KANSL1L: variants seen among roughly 807,000 people sequenced by gnomAD.
The protein encoded by KANSL1L is KAT8 regulatory NSL complex subunit 1 like.
KANSL1L carries 25 observed loss-of-function variants against 108.6 expected under a neutral mutation model. That is an observed-to-expected ratio of 0.23 (90% confidence interval 0.17 to 0.32). The LOEUF (loss-of-function observed/expected upper bound fraction) is 0.32. Among genes scored for constraint, KANSL1L ranks in the 10% least tolerant of loss-of-function variants. The pLI is 1.00. For synonymous variants in KANSL1L, 405 were observed against 395.1 expected, an observed-to-expected ratio of 1.03 and a Z score of -0.30; for missense variants, 1,137 against 1,125.7, an observed-to-expected ratio of 1.01 and a Z score of -0.14.
At chr2:210,035,496 T>G (rs989696787) in intron 8 of KANSL1L, among the ~76,000 whole-genome samples, 1 of 152,212 alleles carries the variant, frequency 6.6e-6, no homozygotes, top group South Asian at 2.1e-4. Context: ...TTTGTTTGTT[T>G]TGAGATGAAG....
rs1368426519 is a variant in KANSL1L, at chr2:210,022,775, AC to A, written c.*173del. The stretch of plus-strand genomic sequence containing the variant: ...CTTGTCTGTAGATGAAAATCTGGTT[AC>A]CCTTATGGTTCCAGAAGGAAAAACA... On this transcript the variant is annotated 3_prime_UTR_variant, in exon 15 of 15. Coordinates refer to ENST00000281772, the MANE Select transcript of KANSL1L (RefSeq NM_152519.4). 1.7e-6 allele frequency: 1 copy of A among 573,048 alleles called. No homozygotes were observed. Among genetic ancestry groups the A allele is most frequent in the Non-Finnish European group, 3.1e-6 (1 of 324,870 alleles). The allele number at this position is 573,048 out of a possible 1,614,324, so 35.5% of individuals were successfully genotyped here. A position where few individuals can be genotyped will look rare whatever the true frequency, so the allele number is the denominator to read the frequency against.
At chr2:210,062,704 T>C (rs1286306247) in intron 6 of KANSL1L, among the ~76,000 whole-genome samples, 1 of 152,172 alleles carries the variant, frequency 6.6e-6, no homozygotes, top group African/African-American at 2.4e-5. Flanking sequence ...TAGAGATCTA[T>C]AGAACTTTGA....
chr2:210,032,335 G>A (rs572509206), intron 8 of KANSL1L: 1 of 152,302 alleles, frequency 6.6e-6, no homozygotes, highest in South Asian at 2.1e-4. Flanking sequence ...GCACAGATAG[G>A]CACATATAAA....
chr2:210,138,911 C>A (rs1247028106), intron 2 of KANSL1L, among the ~76,000 whole-genome samples: 1 of 151,972 alleles, frequency 6.6e-6, no homozygotes, highest in East Asian at 1.9e-4. Flanking sequence ...CCAGCCTGGA[C>A]AACATGGCGA....
chr2:210,033,150 TGAA>T (rs919789739), intron 8 of KANSL1L, among the ~76,000 whole-genome samples: 3 of 152,086 alleles, frequency 2.0e-5, no homozygotes, highest in East Asian at 1.9e-4. Flanking sequence ...AGGGAATAGT[TGAA>T]GAAGTGATAG....
intron 13 of KANSL1L, 136 bp from the exon 14 acceptor site, chr2:210,024,337 C>T: frequency 1.9e-6 from 1 of 524,634 alleles, no homozygotes; most frequent in South Asian, 3.5e-5. Context: ...TTTAAAAATT[C>T]CCCTGGTGCT....
chr2:210,028,974 A>G lies in KANSL1L; in HGVS notation c.2272-5T>C. The G allele has an allele frequency of 6.2e-7, 1 of 1,608,200 alleles. No homozygotes were observed. ...CAATCTCCGTCGTGCAGTATTCTGC[A>G]AAACAGGATTACAGTAGATTTACAG... On this transcript the variant is annotated splice_polypyrimidine_tract_variant and splice_region_variant and intron_variant, in intron 10 of 14. Coordinates refer to ENST00000281772, the MANE Select transcript of KANSL1L (RefSeq NM_152519.4).
intron 4 of KANSL1L, among the ~76,000 whole-genome samples, chr2:210,099,509 T>G (rs1485223915): frequency 1.3e-5 from 2 of 152,230 alleles, no homozygotes; most frequent in Non-Finnish European, 2.9e-5. Context: ...CACCTAATGA[T>G]GTCATTTTAA....
At chr2:210,141,168 TC>T (rs2095225416) in intron 2 of KANSL1L, among the ~76,000 whole-genome samples, 1 of 92,134 alleles carries the variant, frequency 1.1e-5, no homozygotes, top group Non-Finnish European at 2.2e-5. Flanking sequence ...CTCTCTGTTT[TC>T]TTTCTTTTCT....
intron 5 of KANSL1L, among the ~76,000 whole-genome samples, chr2:210,084,532 T>G (rs1225754623): frequency 2.0e-5 from 3 of 152,298 alleles, no homozygotes; most frequent in South Asian, 2.1e-4. Context: ...ATAAAATTAC[T>G]TCTAATAGAT....
chr2:210,056,955 C>T (rs994039288), intron 6 of KANSL1L, among the ~76,000 whole-genome samples: 1 of 152,152 alleles, frequency 6.6e-6, no homozygotes, highest in Non-Finnish European at 1.5e-5. Context: ...TCACAAATTT[C>T]TTCAATCCCT....
intron 5 of KANSL1L, among the ~76,000 whole-genome samples, chr2:210,077,897 A>G (rs1057509371): frequency 5.3e-5 from 8 of 152,244 alleles, no homozygotes; most frequent in Admixed American, 3.9e-4. Context: ...TGGCTTAAAG[A>G]TAATTGGAAA....
In KANSL1L at chr2:210,050,633, T is replaced by G. The variant is rs914429547; in HGVS notation, c.1756-6529A>C. Among the ~76,000 whole-genome samples, 3 of 140,388 alleles carry G rather than the reference T, an allele frequency of 2.1e-5. No individual in the cohort carries two copies. In the South Asian group the frequency reaches 6.6e-4, roughly 31 times the overall value. 92.1% of individuals were successfully genotyped at this position (140,388 alleles called of 152,430 possible). ...ATTTTGAGAGGCCATGGCAGGAGGA[T>G]AGCTTGAGCCCAAGGAGTTCAAGAC... On this transcript the variant is annotated intron_variant, in intron 6 of 14. Coordinates refer to ENST00000281772, the MANE Select transcript of KANSL1L (RefSeq NM_152519.4).
intron 3 of KANSL1L, among the ~76,000 whole-genome samples, chr2:210,112,244 A>T (rs1321353578): frequency 6.6e-6 from 1 of 152,136 alleles, no homozygotes; most frequent in Non-Finnish European, 1.5e-5. Flanking sequence ...AGCAATGGGG[A>T]AAGGATTCCC....
chr2:210,106,463 A>G, intron 3 of KANSL1L, among the ~76,000 whole-genome samples: 1 of 152,160 alleles, frequency 6.6e-6, no homozygotes, highest in Non-Finnish European at 1.5e-5. Context: ...ATAAAGAATT[A>G]TATTTTTAAA....
In KANSL1L at chr2:210,067,610, G is replaced by A. The variant is rs77206045; in HGVS notation, c.1755+7942C>T. ...CTCAGCTACTCCGGAGGCTGAGGTG[G>A]GGGTATTGTTTGAGAGCTTGAGCCC... On this transcript the variant is annotated intron_variant, in intron 6 of 14. Transcript: ENST00000281772. Among the ~76,000 whole-genome samples the A allele has an allele frequency of 1.5e-3, 228 of 151,488 alleles. 7 individuals are homozygous for A. In the East Asian group the frequency reaches 0.032, roughly 21 times the overall value.
At chr2:210,153,260 A>G (rs2095314613) in intron 2 of KANSL1L, 2 of 372,334 alleles carry the variant, frequency 5.4e-6, no homozygotes, top group Non-Finnish European at 4.8e-6. Context: ...AAGCTAAAGC[A>G]GGAAAATTGT....
intron 6 of KANSL1L, among the ~76,000 whole-genome samples, chr2:210,071,126 C>T (rs970313858): frequency 6.6e-6 from 1 of 151,924 alleles, no homozygotes; most frequent in Non-Finnish European, 1.5e-5. Flanking sequence ...CCAGTGCACT[C>T]CAGCCTGGGC....
chr2:210,156,941 A>C (rs1443829520), intron 1 of KANSL1L, among the ~76,000 whole-genome samples: 1 of 151,908 alleles, frequency 6.6e-6, no homozygotes, highest in Non-Finnish European at 1.5e-5. Context: ...ACACTTTTAT[A>C]TAATGCCTCA....
Sources: allele counts gnomAD v4.1 joint callset (sites outside exome capture counted in the v4.1 genomes callset), GRCh38; gene constraint gnomAD v4.1.1; transcripts MANE v1.5; gene names NCBI Gene and HGNC (gene_info 2026-07-23, HGNC 2026-07-21).